Variants in HPSE2 observed in about 807,000 individuals in gnomAD.
The protein encoded by HPSE2 is heparanase 2 (inactive).
Under a neutral mutation model 60.5 loss-of-function variants are expected in HPSE2, and 38 were observed. That is an observed-to-expected ratio of 0.63 (90% CI 0.48 to 0.82). The LOEUF (loss-of-function observed/expected upper bound fraction) is 0.82, where lower values mean the gene tolerates loss of function less well. HPSE2 is among the 40% of genes least tolerant of loss of function. The probability of loss-of-function intolerance (pLI) is 0.00; values close to 1 mark genes in which losing one functional copy is unlikely to be tolerated. For missense variants in HPSE2, 713 were observed against 740.4 expected (o/e 0.96, Z 0.43); for synonymous variants, 295 against 293.2 (o/e 1.01, Z -0.06).
the HPSE2 span, among the ~76,000 whole-genome samples, chr10:99,254,599 G>C: frequency 6.6e-6 from 1 of 152,180 alleles, no homozygotes; most frequent in African/African-American, 2.4e-5. Context: ...ATGTGATTAG[G>C]TGTAATTTAA....
chr10:99,252,724 A>T, the HPSE2 span, among the ~76,000 whole-genome samples: 1 of 151,898 alleles, frequency 6.6e-6, no homozygotes, highest in Non-Finnish European at 1.5e-5. Context: ...AAAAATACAA[A>T]AAATTAGCTG....
chr10:98,781,283 ACTT>A (rs1045076346), intron 3 of HPSE2, among the ~76,000 whole-genome samples: 2 of 64,902 alleles, frequency 3.1e-5, no homozygotes, highest in African/African-American at 1.2e-4. Context: ...CCATATATCC[ACTT>A]CTTTTTTTTT....
At chr10:98,775,807 G>A (rs1476366493) in intron 3 of HPSE2, among the ~76,000 whole-genome samples, 1 of 152,018 alleles carries the variant, frequency 6.6e-6, no homozygotes, top group Non-Finnish European at 1.5e-5. Flanking sequence ...ACAACTCACA[G>A]GCATTTCAAC....
the HPSE2 span, among the ~76,000 whole-genome samples, chr10:99,260,511 C>T: frequency 5.3e-5 from 8 of 152,178 alleles, no homozygotes; most frequent in African/African-American, 1.7e-4. Context: ...TTTCTCACTA[C>T]CCTTCAATCT....
the HPSE2 span, among the ~76,000 whole-genome samples, chr10:99,290,240 T>C: frequency 3.9e-5 from 6 of 152,142 alleles, no homozygotes; most frequent in African/African-American, 4.8e-5. Flanking sequence ...GCAGATATAA[T>C]GGAGAAGTGA....
intron 9 of HPSE2, among the ~76,000 whole-genome samples, chr10:98,591,681 TAAA>T (rs1273722627): frequency 1.3e-5 from 2 of 151,106 alleles, no homozygotes; most frequent in Non-Finnish European, 3.0e-5. Flanking sequence ...TAAAATAAAA[TAAA>T]TAAATAAATC....
chr10:99,138,764 G>A (rs536852781), intron 3 of HPSE2, among the ~76,000 whole-genome samples: 2 of 152,250 alleles, frequency 1.3e-5, no homozygotes, highest in Non-Finnish European at 2.9e-5. Context: ...CTAGGGGAGG[G>A]ATAACATTAG....
intron 11 of HPSE2, among the ~76,000 whole-genome samples, chr10:98,467,020 A>C (rs17109949): frequency 0.086 from 13,019 of 151,676 alleles, 1,641 homozygotes; most frequent in African/African-American, 0.28. Flanking sequence ...ACGGCCATTT[A>C]TCTAATCGCG....
chr10:99,031,649 T>A (rs1210406566), intron 3 of HPSE2, among the ~76,000 whole-genome samples: 1 of 152,142 alleles, frequency 6.6e-6, no homozygotes, highest in Admixed American at 6.5e-5. Flanking sequence ...TTCTAAGTAG[T>A]GGGAGGAATT....
chr10:98,464,103 G>A (rs781776833), intron 11 of HPSE2, among the ~76,000 whole-genome samples: 4 of 152,166 alleles, frequency 2.6e-5, no homozygotes, highest in East Asian at 1.9e-4. Context: ...GCAACAGTGC[G>A]AGACTCTGTC....
At chr10:98,718,980 T>C (rs1948855896) in intron 5 of HPSE2, among the ~76,000 whole-genome samples, 1 of 152,158 alleles carries the variant, frequency 6.6e-6, no homozygotes, top group Non-Finnish European at 1.5e-5. Flanking sequence ...TTGTCATAAA[T>C]ATGTACAACA....
chr10:99,220,854 C>CTTTT (rs1210143115), intron 2 of HPSE2, among the ~76,000 whole-genome samples: 1 of 88,652 alleles, frequency 1.1e-5, no homozygotes, highest in Non-Finnish European at 2.1e-5. Context: ...GAGGCTTTCA[C>CTTTT]TTTTTTTTTT....
At chr10:98,708,512 T>G (rs1355888790) in intron 5 of HPSE2, among the ~76,000 whole-genome samples, 1 of 152,180 alleles carries the variant, frequency 6.6e-6, no homozygotes, top group Non-Finnish European at 1.5e-5. Context: ...ATTATATTAT[T>G]TTTTAACCGT....
rs564363212 is a variant in HPSE2, at chr10:98,693,454, G to A, written c.1004+446C>T. Among the ~76,000 whole-genome samples, 27 of 152,048 alleles carry A rather than the reference G, an allele frequency of 1.8e-4. 1 individual carries two copies. The highest frequency in any genetic ancestry group is 6.2e-4 in the South Asian group (3 of 4,820). Reference sequence around the variant, plus strand: ...TTTAAAAAAAAGCTGCTTCATTTTAGAGACTCACTTGGCAATAATTAAGAC... The same window carrying A: ...TTTAAAAAAAAGCTGCTTCATTTTAAAGACTCACTTGGCAATAATTAAGAC... On this transcript the variant is annotated intron_variant, in intron 6 of 11. Coordinates refer to ENST00000370552, the MANE Select transcript of HPSE2 (RefSeq NM_021828.5).
intron 9 of HPSE2, among the ~76,000 whole-genome samples, chr10:98,591,126 C>CAAAAA (rs5787292): frequency 1.7e-4 from 26 of 151,028 alleles, no homozygotes; most frequent in African/African-American, 6.1e-4. Flanking sequence ...AAATAGGGAT[C>CAAAAA]AAAAAAAAAG....
At chr10:98,615,129 A>G in intron 8 of HPSE2, 111 bp from the exon 9 acceptor site, 1 of 758,752 alleles carries the variant, frequency 1.3e-6, no homozygotes. Context: ...CAGTCACCAA[A>G]TTTACCTAGT....
intron 4 of HPSE2, among the ~76,000 whole-genome samples, chr10:98,722,098 C>T (rs562066478): frequency 1.3e-5 from 2 of 150,994 alleles, no homozygotes; most frequent in East Asian, 3.9e-4. Context: ...TACTTCATAA[C>T]GAATTGTATA....
chr10:98,520,029 G>A (rs117491175), intron 9 of HPSE2, among the ~76,000 whole-genome samples: 171 of 152,210 alleles, frequency 1.1e-3, no homozygotes, highest in Non-Finnish European at 2.0e-3. Flanking sequence ...AAAAATACCC[G>A]TCAGAGAAAG....
intron 9 of HPSE2, among the ~76,000 whole-genome samples, chr10:98,584,358 T>G (rs1944883719): frequency 6.6e-6 from 1 of 152,192 alleles, no homozygotes; most frequent in Non-Finnish European, 1.5e-5. Context: ...GTTGCAGGAA[T>G]CAAAACTATA....
Sources: gnomAD v4.1 joint callset for allele counts (sites outside exome capture counted in the v4.1 genomes callset) on GRCh38, gnomAD v4.1.1 for gene constraint, MANE v1.5 for transcripts, NCBI Gene and HGNC (gene_info 2026-07-23, HGNC 2026-07-21) for gene names.